Variants in ACVR1B observed in about 807,000 individuals in gnomAD.
ACVR1B encodes the protein activin A receptor type 1B.
A neutral mutation model predicts 55.6 loss-of-function variants in ACVR1B; 15 were observed. That is an observed-to-expected ratio of 0.27 (90% confidence interval 0.18 to 0.42). The LOEUF is 0.42. Among genes scored for constraint, ACVR1B ranks in the 10% least tolerant of loss-of-function variants. The pLI, the probability that ACVR1B is intolerant of heterozygous loss-of-function variation, is 1.00. For missense variants in ACVR1B, 359 were observed against 670.1 expected (o/e 0.54, Z 5.13); for synonymous variants, 247 against 254.6 (o/e 0.97, Z 0.28).
intron 3 of ACVR1B, among the ~76,000 whole-genome samples, chr12:51,978,535 A>G (rs1941911678): frequency 6.6e-6 from 1 of 152,194 alleles, no homozygotes; most frequent in Admixed American, 6.5e-5. Context: ...ACAGATTAGA[A>G]AGAGCCTGAC....
At chr12:51,977,796 T>G (rs1941895369) in intron 3 of ACVR1B, among the ~76,000 whole-genome samples, 1 of 150,322 alleles carries the variant, frequency 6.7e-6, no homozygotes, top group Non-Finnish European at 1.5e-5. Context: ...TTTTTTTTTT[T>G]TTTTTTTTTT....
intron 7 of ACVR1B, chr12:51,987,838 A>G (rs1467923897): frequency 6.6e-6 from 1 of 152,330 alleles, no homozygotes; most frequent in African/African-American, 2.4e-5. Flanking sequence ...AAATAACTGA[A>G]AGAATATAAT....
At chr12:51,974,741 G>A (rs527255903) in intron 1 of ACVR1B, among the ~76,000 whole-genome samples, 1 of 152,306 alleles carries the variant, frequency 6.6e-6, no homozygotes, top group South Asian at 2.1e-4. Flanking sequence ...GACAATAATG[G>A]AGTGGTCAGG....
rs751639355 is a variant in ACVR1B, at chr12:51,976,548, G to A, written c.553G>A (p.Asp185Asn). The A allele has an allele frequency of 2.5e-6, 4 of 1,613,652 alleles. No homozygotes were observed. Among genetic ancestry groups the A allele is most frequent in the East Asian group, 2.2e-5 (1 of 44,876 alleles). Residue 185 changes from aspartate (D) to asparagine (N), a missense_variant, in exon 3 of 9, where the codon GAT (aspartate) becomes AAT (asparagine). Physicochemically the swap from Asp to Asn is conservative, Grantham distance 23. Coordinates refer to ENST00000257963, the MANE Select transcript of ACVR1B (RefSeq NM_004302.5). ...KDKTLQDLVY[D>N]LSTSGSGSGL... ...CAAGACGCTCCAGGATCTTGTCTAC[G>A]ATCTCTCCACCTCAGGGTCTGGCTC...
chr12:51,970,248 G>C (rs767533096), intron 1 of ACVR1B, among the ~76,000 whole-genome samples: 5 of 152,190 alleles, frequency 3.3e-5, no homozygotes, highest in Admixed American at 6.5e-5. Flanking sequence ...CAGAAAGAGC[G>C]TGGTAGAATG....
chr12:51,989,219 C>T (rs1942140437), intron 7 of ACVR1B, among the ~76,000 whole-genome samples: 1 of 152,098 alleles, frequency 6.6e-6, no homozygotes, highest in Admixed American at 6.5e-5. Context: ...CTCAAGACAG[C>T]AGGGTTTTTT....
At chr12:51,970,489 G>A (rs572894342) in intron 1 of ACVR1B, among the ~76,000 whole-genome samples, 2 of 152,250 alleles carry the variant, frequency 1.3e-5, no homozygotes, top group Non-Finnish European at 2.9e-5. Flanking sequence ...AGCTCTGCAC[G>A]GTGTTTTCTT....
chr12:51,995,795 C>T lies in ACVR1B; in HGVS notation c.*1685C>T, dbSNP rs977323630. 1 of 152,596 alleles carries T rather than the reference C, an allele frequency of 6.6e-6. No homozygotes were observed. The highest frequency in any genetic ancestry group is 1.9e-4 in the East Asian group (1 of 5,184). The allele number at this position is 152,596 out of a possible 1,614,324, so 9.5% of individuals were successfully genotyped here. A position where few individuals can be genotyped will look rare whatever the true frequency, so the allele number is the denominator to read the frequency against. ...CTCAGCAGTGAGAGTTCCTCTTTGC[C>T]CTGAGGCTCAGTCTCTCTCGTATTT... On this transcript the variant is annotated 3_prime_UTR_variant, in exon 9 of 9. Coordinates refer to ENST00000257963, the MANE Select transcript of ACVR1B (RefSeq NM_004302.5).
intron 1 of ACVR1B, among the ~76,000 whole-genome samples, chr12:51,972,113 A>T (rs1191898723): frequency 6.6e-6 from 1 of 152,190 alleles, no homozygotes; most frequent in Non-Finnish European, 1.5e-5. Context: ...TAAGTACTTT[A>T]AAAAATATAT....
chr12:51,991,192 G>T (rs2120753631), intron 7 of ACVR1B, among the ~76,000 whole-genome samples: 1 of 152,280 alleles, frequency 6.6e-6, no homozygotes, highest in South Asian at 2.1e-4. Flanking sequence ...TCCCACAGAG[G>T]TAGGTGACTG....
At chr12:51,958,665 G>GAAAAA (rs1565609372) in intron 1 of ACVR1B, among the ~76,000 whole-genome samples, 1 of 151,072 alleles carries the variant, frequency 6.6e-6, no homozygotes, top group African/African-American at 2.4e-5. Context: ...AAAAAGAAAA[G>GAAAAA]AAAGATCATC....
At chr12:51,952,172 G>A (rs1941310613) in intron 1 of ACVR1B, among the ~76,000 whole-genome samples, 1 of 152,024 alleles carries the variant, frequency 6.6e-6, no homozygotes. Context: ...GAGGTCCGTG[G>A]TTTCTGCCCT....
intron 1 of ACVR1B, among the ~76,000 whole-genome samples, chr12:51,952,793 T>G (rs567413284): frequency 6.6e-6 from 1 of 151,972 alleles, no homozygotes; most frequent in Non-Finnish European, 1.5e-5. Context: ...TTTACCTTCC[T>G]ACACGATGCC....
intron 6 of ACVR1B, 113 bp from the exon 7 acceptor site, chr12:51,986,705 A>G: frequency 7.1e-7 from 1 of 1,413,666 alleles, no homozygotes; most frequent in Admixed American, 2.2e-5. Context: ...GCCCCAAGGG[A>G]CTTTATCAGG....
Position 51,981,218 on chromosome 12 carries a change from T to A in ACVR1B, c.811+19T>A. On this transcript the variant is annotated intron_variant, in intron 4 of 8. Transcript: ENST00000257963. ...AATAAAGGTAAGGGCTGGGCTTGGATACAGCATTCCCAGATAGAGGATGCT... is the reference window on the plus strand; with the variant it reads ...AATAAAGGTAAGGGCTGGGCTTGGAAACAGCATTCCCAGATAGAGGATGCT... 1.2e-6 allele frequency: 2 copies of A among 1,604,820 alleles called. No individual in the cohort carries two copies. The highest frequency in any genetic ancestry group is 1.7e-6 in the Non-Finnish European group (2 of 1,171,932).
chr12:51,962,011 C>T (rs867407147), intron 1 of ACVR1B, among the ~76,000 whole-genome samples: 1 of 152,188 alleles, frequency 6.6e-6, no homozygotes, highest in African/African-American at 2.4e-5. Context: ...TGACAGGTCT[C>T]CTTAGCATAA....
chr12:51,953,575 A>G, intron 1 of ACVR1B: 1 of 968,072 alleles, frequency 1.0e-6, no homozygotes, highest in East Asian at 1.2e-4. Flanking sequence ...TGTGTAACAT[A>G]ATGTTCTCTA....
chr12:51,986,815 C>A lies in ACVR1B; in HGVS notation c.1137-3C>A. On this transcript the variant is annotated splice_region_variant and splice_polypyrimidine_tract_variant and intron_variant, in intron 6 of 8. Coordinates refer to ENST00000257963, the MANE Select transcript of ACVR1B (RefSeq NM_004302.5). ...CGTGACCATGTTTGTTTTGCTATTG[C>A]AGATACATGGCCCCTGAAGTACTTG... is the stretch of plus-strand genomic sequence containing the variant. 1.2e-6 allele frequency: 2 copies of A among 1,607,028 alleles called. No individual in the cohort carries two copies. The highest frequency in any genetic ancestry group is 1.7e-6 in the Non-Finnish European group (2 of 1,175,638).
chr12:51,988,070 C>A (rs1165080016), intron 7 of ACVR1B, among the ~76,000 whole-genome samples: 1 of 152,184 alleles, frequency 6.6e-6, no homozygotes, highest in Non-Finnish European at 1.5e-5. Context: ...TACCCTTTTC[C>A]AGCTTCCATT....
Sources: allele counts gnomAD v4.1 joint callset (sites outside exome capture counted in the v4.1 genomes callset), GRCh38; gene constraint gnomAD v4.1.1; transcripts MANE v1.5; gene names NCBI Gene and HGNC (gene_info 2026-07-23, HGNC 2026-07-21).